Variants in TRIM7 observed in about 807,000 individuals in gnomAD.
TRIM7 encodes tripartite motif containing 7.
TRIM7 carries 32 observed loss-of-function variants against 37.9 expected under a neutral mutation model. The observed-to-expected ratio is 0.84, with a 90% CI of 0.64 to 1.13. The LOEUF is 1.13. Ranked by LOEUF, TRIM7 falls within the 50% of genes most tolerant of loss-of-function variation. TRIM7 has a pLI of 0.00. For synonymous variants in TRIM7, 351 were observed against 321.3 expected, an observed-to-expected ratio of 1.09 and a Z score of -0.99; for missense variants, 732 against 714.0, an observed-to-expected ratio of 1.03 and a Z score of -0.29.
Position 181,204,793 on chromosome 5 carries a change from G to A in TRIM7, c.318C>T (p.Phe106=). ...LAAVATLLRR[F]SLPAAAPGEH... ...CTCCCGGGGCAGCCGCGGGCAGGCTGAAGCGCCGCAGGAGCGTGGCCACTG... is the reference window on the plus strand; with the variant it reads ...CTCCCGGGGCAGCCGCGGGCAGGCTAAAGCGCCGCAGGAGCGTGGCCACTG... The change falls in exon 1 of 7, where the codon TTC becomes TTT. Residue 106 remains phenylalanine (F), a synonymous_variant. Transcript: ENST00000274773. 1.4e-6 allele frequency: 2 copies of A among 1,424,866 alleles called. No individual in the cohort carries two copies. Among genetic ancestry groups the A allele is most frequent in the Admixed American group, 2.9e-5 (1 of 34,602 alleles). The allele number at this position is 1,424,866 out of a possible 1,614,324, so 88.3% of individuals were successfully genotyped here.
intron 6 of TRIM7, 133 bp from the exon 7 acceptor site, chr5:181,195,810 G>A (rs12109120): frequency 1.7e-6 from 2 of 1,199,250 alleles, no homozygotes; most frequent in African/African-American, 1.6e-5. Flanking sequence ...CCAGCGCCAA[G>A]GCCCAACCAA....
In TRIM7 at chr5:181,204,609, C is replaced by G. The variant is rs749338467; in HGVS notation, c.502G>C (p.Glu168Gln). The G allele has an allele frequency of 6.9e-7, 1 of 1,453,790 alleles. No homozygotes were observed. The highest frequency in any genetic ancestry group is 9.0e-7 in the Non-Finnish European group (1 of 1,114,650). 90.1% of individuals were successfully genotyped at this position (1,453,790 alleles called of 1,614,324 possible). ...HREHAVLPLD[E>Q]AVQEAKELLE... is the part of the protein sequence containing the mutation. ...CTCACCTTGGCCTCCTGCACCGCCT[C>G]GTCCAGCGGCAGCACGGCGTGCTCG... is the stretch of plus-strand genomic sequence containing the variant. The change falls in exon 1 of 7, where the codon GAG becomes CAG. Residue 168 changes from glutamate (E) to glutamine (Q), a missense_variant. Physicochemically the swap from Glu to Gln is conservative, Grantham distance 29 (BLOSUM62 2). Coordinates refer to ENST00000274773, the MANE Select transcript of TRIM7 (RefSeq NM_203293.3).
In TRIM7 at chr5:181,198,780, G is replaced by T; in HGVS notation, c.898C>A (p.Pro300Thr). The stretch of plus-strand genomic sequence containing the variant: ...TTCATCTCAGAAGAGACTGTGGTTG[G>T]CTTGGGGCCAGGCACATTGCTACAC... ...SRCSNVPGPK[P>T]TTVSSEMKNK... Residue 300 changes from proline (P) to threonine (T), a missense_variant, in exon 5 of 7, where the codon CCA (proline) becomes ACA (threonine). Physicochemically the swap from Pro to Thr is conservative, Grantham distance 38. Transcript: ENST00000274773. The T allele has an allele frequency of 6.2e-7, 1 of 1,614,022 alleles. No individual in the cohort carries two copies. Among genetic ancestry groups the T allele is most frequent in the Non-Finnish European group, 8.5e-7 (1 of 1,179,954 alleles).
At position 181,195,615 on chromosome 5, in the gene TRIM7, C is replaced by T. The variant is rs254460; in HGVS notation, c.1087G>A (p.Gly363Ser). The T allele has an allele frequency of 0.17, 269,941 of 1,572,168 alleles. 23,695 individuals carry two copies. The highest frequency in any genetic ancestry group is 0.24 in the South Asian group (20,644 of 85,742). Reference sequence around the variant, plus strand: ...TGGGCCCGCTCGCCGAGGCGCACGCCCTTAAGATCCAGAGAGAGGATGAGG... The same window carrying T: ...TGGGCCCGCTCGCCGAGGCGCACGCTCTTAAGATCCAGAGAGAGGATGAGG... Reference protein sequence around the residue: ...PRLILSLDLKGVRLGERAQDL... With the variant: ...PRLILSLDLKSVRLGERAQDL... Residue 363 changes from glycine (G) to serine (S), a missense_variant, in exon 7 of 7, where the codon GGC (glycine) becomes AGC (serine). Transcript: ENST00000274773.
At chr5:181,202,033 A>G (rs527721796) in intron 2 of TRIM7, among the ~76,000 whole-genome samples, 4 of 152,224 alleles carry the variant, frequency 2.6e-5, no homozygotes, top group South Asian at 4.2e-4. Flanking sequence ...GGCATAACAG[A>G]TATAGTTGAG....
At chr5:181,204,246 C>A in intron 1 of TRIM7, 1 of 1,065,470 alleles carries the variant, frequency 9.4e-7, no homozygotes. Context: ...GTGCCGGAGA[C>A]TTCCCGCGGG....
Position 181,204,660 on chromosome 5 carries a change from C to A in TRIM7, c.451G>T (p.Val151Leu). 1 of 1,512,974 alleles carries A rather than the reference C, an allele frequency of 6.6e-7. No individual in the cohort carries two copies. The highest frequency in any genetic ancestry group is 8.8e-7 in the Non-Finnish European group (1 of 1,142,426). 93.7% of individuals were successfully genotyped at this position (1,512,974 alleles called of 1,614,324 possible). The change falls in exon 1 of 7, where the codon GTG (valine) becomes TTG (leucine). Residue 151 changes from valine to leucine, a missense_variant. Transcript: ENST00000274773. ...CQDDGRAICV[V>L]CDRAREHREH... is the part of the protein sequence containing the mutation. ...CGGTGCTCGCGGGCGCGGTCGCACACCACGCAGATGGCGCGTCCGTCGTCC... is the reference window on the plus strand; with the variant it reads ...CGGTGCTCGCGGGCGCGGTCGCACAACACGCAGATGGCGCGTCCGTCGTCC...
intron 3 of TRIM7, chr5:181,199,527 T>C: frequency 2.1e-6 from 1 of 472,918 alleles, no homozygotes; most frequent in Non-Finnish European, 3.7e-6. Flanking sequence ...GTTTATCTAG[T>C]TGTTTATAAC....
At chr5:181,199,743 C>A (rs1757357655) in intron 3 of TRIM7, 108 bp downstream of exon 3, 1 of 1,450,684 alleles carries the variant, frequency 6.9e-7, no homozygotes, top group South Asian at 1.5e-5. Context: ...CCCTTCAGCT[C>A]CAGATCATGT....
intron 2 of TRIM7, 118 bp downstream of exon 2, chr5:181,203,427 C>A: frequency 6.5e-7 from 1 of 1,530,372 alleles, no homozygotes; most frequent in Non-Finnish European, 8.8e-7. Flanking sequence ...TATTATCTTT[C>A]TGAAATCGAT....
At position 181,204,743 on chromosome 5, in the gene TRIM7, G is replaced by T. The variant is rs112348888; in HGVS notation, c.368C>A (p.Ala123Asp). The T allele has an allele frequency of 1.4e-6, 2 of 1,460,146 alleles. No homozygotes were observed. The highest frequency in any genetic ancestry group is 3.0e-5 in the African/African-American group (2 of 67,340). The allele number at this position is 1,460,146 out of a possible 1,614,324, so 90.4% of individuals were successfully genotyped here. A position where few individuals can be genotyped will look rare whatever the true frequency, so the allele number is the denominator to read the frequency against. ...CCCGCAGCGGGCAGCCGCTGCCCGG[G>T]CCGCGGCCGCCTGAGACCCGTGCTC... is the stretch of plus-strand genomic sequence containing the variant. ...PGEHGSQAAA[A>D]RAAAARCGQH... Residue 123 changes from alanine (A) to aspartate (D), a missense_variant, in exon 1 of 7, where the codon GCC (alanine) becomes GAC (aspartate). Coordinates refer to ENST00000274773, the MANE Select transcript of TRIM7 (RefSeq NM_203293.3).
rs1757716134 is a variant in TRIM7 at position 181,204,738 on chromosome 5, C to A, written c.373G>T (p.Ala125Ser). The A allele has an allele frequency of 2.0e-6, 3 of 1,464,406 alleles. No homozygotes were observed. Among genetic ancestry groups the A allele is most frequent in the Non-Finnish European group, 1.8e-6 (2 of 1,117,670 alleles). 90.7% of individuals were successfully genotyped at this position (1,464,406 alleles called of 1,614,324 possible). A position where few individuals can be genotyped will look rare whatever the true frequency, so the allele number is the denominator to read the frequency against. The change falls in exon 1 of 7, where the codon GCA (alanine) becomes TCA (serine). Residue 125 changes from alanine (A) to serine (S), a missense_variant. By Grantham distance (99) the Ala-to-Ser change is moderately conservative. Coordinates refer to ENST00000274773, the MANE Select transcript of TRIM7 (RefSeq NM_203293.3). ...TGCTGCCCGCAGCGGGCAGCCGCTG[C>A]CCGGGCCGCGGCCGCCTGAGACCCG... ...EHGSQAAAAR[A>S]AAARCGQHGE...
chr5:181,195,280 GA>G lies in TRIM7; in HGVS notation c.1421del (p.Phe474SerfsTer73). On this transcript the variant is annotated frameshift_variant, in exon 7 of 7. Transcript: ENST00000274773. LOFTEE classifies it high-confidence loss of function. Reference protein sequence around the residue: ...ALDLEVGAVSFYAVEDMRHLY... With the variant: ...ALDLEVGAVSXYAVEDMRHLY... ...GGTGGCGCATGTCCTCCACAGCGTA[GA>G]AGGACACGGCTCCCACCTCCAGGTC... 1.2e-6 allele frequency: 2 copies of G among 1,607,638 alleles called. No homozygotes were observed. Among genetic ancestry groups the G allele is most frequent in the Non-Finnish European group, 1.7e-6 (2 of 1,177,334 alleles).
Position 181,199,899 on chromosome 5 carries a change from G to C in TRIM7, c.801C>G (p.Ser267Arg), listed in dbSNP as rs61737740. The C allele has an allele frequency of 2.0e-3, 3,218 of 1,614,214 alleles. 48 individuals are homozygous for C. In the African/African-American group the frequency reaches 0.037, roughly 18 times the overall value. The change falls in exon 3 of 7, where the codon AGC becomes AGG. Residue 267 changes from serine to arginine, a missense_variant. Physicochemically the swap from Ser to Arg is moderately radical, Grantham distance 110. Transcript: ENST00000274773. ...GVEITQLSKL[S>R]SQIQETAQKP... is the part of the protein sequence containing the mutation. ...TTTGAGCTGTCTCCTGGATCTGGCTGCTGAGCTTGGACAGCTGGGTGATCT... is the reference window on the plus strand; with the variant it reads ...TTTGAGCTGTCTCCTGGATCTGGCTCCTGAGCTTGGACAGCTGGGTGATCT...
rs770499609 is a variant in TRIM7, at chr5:181,205,098, C to T, written c.13G>A (p.Gly5Arg). 26 of 1,331,662 alleles carry T rather than the reference C, an allele frequency of 2.0e-5. No homozygotes were observed. The African/African-American group carries it at 3.2e-4, about 17-fold the overall frequency. The allele number at this position is 1,331,662 out of a possible 1,614,324, so 82.5% of individuals were successfully genotyped here. The change falls in exon 1 of 7, where the codon GGA becomes AGA. Residue 5 changes from glycine to arginine, a missense_variant. By Grantham distance (125) the Gly-to-Arg change is moderately radical. Transcript: ENST00000274773. Reference sequence around the variant, plus strand: ...CCGGTTCCGGGGCCGGTCCGCGGTCCCACAGCCGCCATGCGCGCTCTCCGC... The same window carrying T: ...CCGGTTCCGGGGCCGGTCCGCGGTCTCACAGCCGCCATGCGCGCTCTCCGC... MAAV[G>R]PRTGPGTGAE...
At chr5:181,204,281 A>T in intron 1 of TRIM7, 1 of 1,089,874 alleles carries the variant, frequency 9.2e-7, no homozygotes, top group Non-Finnish European at 1.1e-6. Context: ...GACGCAGACC[A>T]GGCTAGAGGC....
chr5:181,195,412 C>G lies in TRIM7; in HGVS notation c.1290G>C (p.Glu430Asp). The G allele has an allele frequency of 6.3e-7, 1 of 1,596,660 alleles. No individual in the cohort carries two copies. Among genetic ancestry groups the G allele is most frequent in the Non-Finnish European group, 8.5e-7 (1 of 1,171,790 alleles). The change falls in exon 7 of 7, where the codon GAG becomes GAC. Residue 430 changes from glutamate (E) to aspartate (D), a missense_variant. By Grantham distance (45) the Glu-to-Asp change is conservative. Transcript: ENST00000274773. Reference protein sequence around the residue: ...RKGLTPFTPEEGVWALQLNGG... With the variant: ...RKGLTPFTPEDGVWALQLNGG... ...CGTTGAGCTGCAGGGCCCAGACGCC[C>G]TCCTCGGGAGTGAAGGGCGTCAGGC...
At chr5:181,199,674 A>T (rs1757352838) in intron 3 of TRIM7, 177 bp downstream of exon 3, 1 of 1,029,616 alleles carries the variant, frequency 9.7e-7, no homozygotes, top group Non-Finnish European at 1.4e-6. Context: ...TAGTCAAGAA[A>T]GTTTTCACAT....
At chr5:181,200,229 C>G in intron 2 of TRIM7, 148 bp from the exon 3 acceptor site, 1 of 1,530,040 alleles carries the variant, frequency 6.5e-7, no homozygotes, top group South Asian at 1.3e-5. Context: ...AGTGCGTGCT[C>G]TATTGTCAGT....
Sources: allele counts gnomAD v4.1 joint callset (sites outside exome capture counted in the v4.1 genomes callset), GRCh38; gene constraint gnomAD v4.1.1; transcripts MANE v1.5; gene names NCBI Gene and HGNC (gene_info 2026-07-23, HGNC 2026-07-21).